PEX14: variants seen among roughly 807,000 people sequenced by gnomAD.
The protein encoded by PEX14 is peroxisomal biogenesis factor 14.
PEX14 carries 15 observed loss-of-function variants against 49.5 expected under a neutral mutation model. The ratio of observed to expected loss-of-function variants is 0.30; its 90% confidence interval spans 0.20 to 0.47. The LOEUF (loss-of-function observed/expected upper bound fraction) is 0.47. Ranked by LOEUF, PEX14 falls within the 20% of genes least tolerant of loss-of-function variation. The pLI is 1.00. For synonymous variants in PEX14, 210 were observed against 212.7 expected, an observed-to-expected ratio of 0.99 and a Z score of 0.11; for missense variants, 398 against 494.8, an observed-to-expected ratio of 0.80 and a Z score of 1.86.
intron 4 of PEX14, among the ~76,000 whole-genome samples, chr1:10,601,904 A>T (rs575524388): frequency 1.3e-5 from 2 of 152,366 alleles, no homozygotes; most frequent in South Asian, 4.1e-4. Flanking sequence ...TCTAAGATGC[A>T]CATCTGTTCT....
Position 10,512,105 on chromosome 1 carries a change from G to A in PEX14, c.84+16784G>A, listed in dbSNP as rs1473154096. ...TTCCCGAATAACTGGGACTACAGGC[G>A]CCTGCCCCCACGCTCGGCTAATTTT... On this transcript the variant is annotated intron_variant, in intron 2 of 8. Coordinates refer to ENST00000356607, the MANE Select transcript of PEX14 (RefSeq NM_004565.3). This position sits in a 1 kb window ranked among gnomAD's most constrained non-coding sequence, Gnocchi z 4.6. 6.6e-6 allele frequency among the ~76,000 whole-genome samples: 1 copy of A among 152,052 alleles called. No homozygotes were observed. The highest frequency in any genetic ancestry group is 2.4e-5 in the African/African-American group (1 of 41,386).
intron 2 of PEX14, among the ~76,000 whole-genome samples, chr1:10,525,517 C>G (rs187805713): frequency 1.9e-4 from 29 of 152,356 alleles, no homozygotes; most frequent in Non-Finnish European, 4.0e-4. Flanking sequence ...TGGCCACTCT[C>G]TGGGGCTGGT....
chr1:10,503,038 C>T (rs1463146121), intron 2 of PEX14, among the ~76,000 whole-genome samples: 4 of 151,478 alleles, frequency 2.6e-5, no homozygotes, highest in African/African-American at 4.8e-5. Context: ...TGGGCTCAAG[C>T]GATCCCCCCG....
intron 3 of PEX14, among the ~76,000 whole-genome samples, chr1:10,577,562 A>G (rs895681760): frequency 1.6e-4 from 1 of 6,238 alleles, no homozygotes; most frequent in Admixed American, 3.7e-3. Flanking sequence ...ATATATATAT[A>G]TTTTTTTTTT....
intron 2 of PEX14, among the ~76,000 whole-genome samples, chr1:10,535,537 G>A (rs1029904805): frequency 2.0e-5 from 3 of 152,178 alleles, no homozygotes; most frequent in East Asian, 3.8e-4. Flanking sequence ...CAGCCGGGAC[G>A]CCCTCAACAC....
In PEX14 at chr1:10,566,760, G is replaced by A. The variant is rs1254539352; in HGVS notation, c.169+30463G>A. 2.6e-5 allele frequency among the ~76,000 whole-genome samples: 4 copies of A among 151,866 alleles called. No individual in the cohort carries two copies. The East Asian group carries it at 5.8e-4, about 22-fold the overall frequency. Reference sequence around the variant, plus strand: ...TCAAACTCCCGACCTCAGGTGATCCGCCCGCCTCGGCCTCCCAAAGTGCTG... The same window carrying A: ...TCAAACTCCCGACCTCAGGTGATCCACCCGCCTCGGCCTCCCAAAGTGCTG... On this transcript the variant is annotated intron_variant, in intron 3 of 8. Coordinates refer to ENST00000356607, the MANE Select transcript of PEX14 (RefSeq NM_004565.3).
intron 3 of PEX14, among the ~76,000 whole-genome samples, chr1:10,557,458 C>T (rs972895895): frequency 6.6e-6 from 1 of 152,124 alleles, no homozygotes; most frequent in Admixed American, 6.5e-5. Flanking sequence ...TGGTGGCGGG[C>T]GCCTGTAATC....
intron 2 of PEX14, among the ~76,000 whole-genome samples, chr1:10,501,802 T>C (rs1015379541): frequency 3.3e-5 from 5 of 152,084 alleles, no homozygotes; most frequent in Non-Finnish European, 5.9e-5. Flanking sequence ...CCTGTAGTCC[T>C]TGGGAGGCTG....
Position 10,613,880 on chromosome 1 carries a change from A to G in PEX14, c.299-4452A>G, listed in dbSNP as rs1442355970. ...TCCCTGCTTCCAGAGTGGAGACTCG[A>G]AGCATTTAAAAAGCCCACTCATTCT... is the stretch of plus-strand genomic sequence containing the variant. On this transcript the variant is annotated intron_variant, in intron 4 of 8. Transcript: ENST00000356607. The surrounding 1 kb of genome is among the most constrained non-coding windows in gnomAD (Gnocchi z 5.0). Among the ~76,000 whole-genome samples the G allele has an allele frequency of 6.6e-6, 1 of 152,148 alleles. No homozygotes were observed. Among genetic ancestry groups the G allele is most frequent in the African/African-American group, 2.4e-5 (1 of 41,422 alleles).
chr1:10,555,374 G>GC (rs910227800), intron 3 of PEX14, among the ~76,000 whole-genome samples: 1 of 152,092 alleles, frequency 6.6e-6, no homozygotes, highest in African/African-American at 2.4e-5. Context: ...GAGTCGGGGG[G>GC]AGAGATGGGG....
At chr1:10,586,178 T>C (rs1452806810) in intron 3 of PEX14, among the ~76,000 whole-genome samples, 1 of 152,192 alleles carries the variant, frequency 6.6e-6, no homozygotes, top group Non-Finnish European at 1.5e-5. Flanking sequence ...CCTTATTACG[T>C]AGAACGCTGT....
At chr1:10,585,146 G>A (rs759585771) in intron 3 of PEX14, among the ~76,000 whole-genome samples, 2 of 152,204 alleles carry the variant, frequency 1.3e-5, no homozygotes, top group Non-Finnish European at 2.9e-5. Flanking sequence ...CAAACATCCA[G>A]TAATTACTGT....
At position 10,533,546 on chromosome 1, in the gene PEX14, A is replaced by G. The variant is rs528996132; in HGVS notation, c.85-2667A>G. On this transcript the variant is annotated intron_variant, in intron 2 of 8. Transcript: ENST00000356607. ...ATGTTTAAATTGGATTCGCTCGTTT[A>G]TGCTGTTCTTTGCTATATCCCCCAC... 3.5e-4 allele frequency among the ~76,000 whole-genome samples: 53 copies of G among 152,224 alleles called. No individual in the cohort carries two copies. The South Asian group carries it at 0.011, about 30-fold the overall frequency.
intron 3 of PEX14, among the ~76,000 whole-genome samples, chr1:10,544,032 G>A (rs1320059993): frequency 6.6e-6 from 1 of 152,208 alleles, no homozygotes; most frequent in Non-Finnish European, 1.5e-5. Flanking sequence ...GGGGGATCTG[G>A]GCCGGGTTGG....
intron 1 of PEX14, among the ~76,000 whole-genome samples, chr1:10,493,143 G>A (rs1641500066): frequency 6.6e-6 from 1 of 152,204 alleles, no homozygotes; most frequent in South Asian, 2.1e-4. Flanking sequence ...GGTGTAGTCA[G>A]AGTAGACGTG....
At chr1:10,558,158 T>G (rs1284515685) in intron 3 of PEX14, among the ~76,000 whole-genome samples, 1 of 152,110 alleles carries the variant, frequency 6.6e-6, no homozygotes, top group Non-Finnish European at 1.5e-5. Flanking sequence ...TGTACTCTTT[T>G]GTACAAAAAT....
At chr1:10,624,672 A>G (rs1408068184) in intron 7 of PEX14, among the ~76,000 whole-genome samples, 1 of 151,568 alleles carries the variant, frequency 6.6e-6, no homozygotes, top group Non-Finnish European at 1.5e-5. Context: ...TCTCTATGTC[A>G]CCTCCCAACA....
intron 2 of PEX14, among the ~76,000 whole-genome samples, chr1:10,496,268 CA>C (rs1383721997): frequency 6.6e-6 from 1 of 152,172 alleles, no homozygotes; most frequent in African/African-American, 2.4e-5. Flanking sequence ...GGGACTGTTT[CA>C]GGGGAGCAGT....
At chr1:10,572,378 T>C (rs529208988) in intron 3 of PEX14, among the ~76,000 whole-genome samples, 1 of 152,288 alleles carries the variant, frequency 6.6e-6, no homozygotes, top group African/African-American at 2.4e-5. Context: ...GGCAAAGATT[T>C]CTTAATTAGG....
Sources: allele counts gnomAD v4.1 joint callset (sites outside exome capture counted in the v4.1 genomes callset), GRCh38; gene constraint gnomAD v4.1.1; non-coding constraint Gnocchi (gnomAD v3.1); transcripts MANE v1.5; gene names NCBI Gene and HGNC (gene_info 2026-07-23, HGNC 2026-07-21).